ARMC2: variants seen among roughly 807,000 people sequenced by gnomAD.
ARMC2 encodes armadillo repeat-containing protein 2.
In ARMC2, 67 loss-of-function variants were observed where a neutral mutation model predicts 90.3. The ratio of observed to expected loss-of-function variants is 0.74; its 90% CI spans 0.61 to 0.91. The LOEUF (loss-of-function observed/expected upper bound fraction) is 0.91. ARMC2 is among the 40% of genes least tolerant of loss of function. ARMC2 has a pLI of 0.00. For missense variants in ARMC2, 920 were observed against 1,030.9 expected (o/e 0.89, Z 1.47); for synonymous variants, 393 against 393.0 (o/e 1.00, Z 0.00).
At chr6:108,867,883 G>C (rs1032523630) in intron 3 of ARMC2, among the ~76,000 whole-genome samples, 1 of 150,764 alleles carries the variant, frequency 6.6e-6, no homozygotes, top group Admixed American at 6.6e-5. Context: ...GCAGTGAGCC[G>C]AGATCGCACC....
the ARMC2 span, chr6:108,988,659 T>C: frequency 3.7e-6 from 6 of 1,610,374 alleles, no homozygotes; most frequent in Non-Finnish European, 5.1e-6. Flanking sequence ...AATAGCTGGT[T>C]AATTTCACCA....
chr6:108,988,050 TC>T, the ARMC2 span, among the ~76,000 whole-genome samples: 2 of 152,176 alleles, frequency 1.3e-5, no homozygotes, highest in Admixed American at 6.5e-5. Context: ...TGCCTTGGCC[TC>T]CCCAAGTGCT....
At chr6:108,956,280 T>C (rs1356033560) in intron 13 of ARMC2, among the ~76,000 whole-genome samples, 1 of 152,118 alleles carries the variant, frequency 6.6e-6, no homozygotes. Flanking sequence ...TATTCACATA[T>C]AAAGTGAAAA....
chr6:108,919,517 A>AT (rs11414793), intron 10 of ARMC2, among the ~76,000 whole-genome samples: 27,226 of 151,526 alleles, frequency 0.18, 2,524 homozygotes, highest in Middle Eastern at 0.22. Flanking sequence ...CTTACAGATA[A>AT]TTTTTTTTTG....
the ARMC2 span, among the ~76,000 whole-genome samples, chr6:109,015,414 A>G: frequency 0.092 from 13,975 of 152,264 alleles, 867 homozygotes; most frequent in Middle Eastern, 0.19. Context: ...CAAGTCAGAC[A>G]CTGCCTGTGT....
At chr6:108,987,073 T>G in the ARMC2 span, 1 of 153,278 alleles carries the variant, frequency 6.5e-6, no homozygotes, top group African/African-American at 2.4e-5. Context: ...ATAGTAGCAA[T>G]GTTCACTTTT....
chr6:108,902,135 G>C (rs1011211980), intron 7 of ARMC2, among the ~76,000 whole-genome samples: 7 of 152,158 alleles, frequency 4.6e-5, no homozygotes, highest in Admixed American at 1.3e-4. Flanking sequence ...GGGGATAGAA[G>C]TTACTCTGAG....
intron 4 of ARMC2, among the ~76,000 whole-genome samples, chr6:108,871,322 A>G (rs1047215969): frequency 2.6e-5 from 4 of 152,092 alleles, no homozygotes; most frequent in African/African-American, 7.2e-5. Flanking sequence ...AGGTTTTTTC[A>G]CCAACAGCAG....
the ARMC2 span, among the ~76,000 whole-genome samples, chr6:108,981,859 G>T: frequency 6.6e-6 from 1 of 152,054 alleles, no homozygotes; most frequent in African/African-American, 2.4e-5. Flanking sequence ...TAGAGATGGG[G>T]TTTCACCATG....
At chr6:108,922,754 G>C (rs1774709482) in intron 10 of ARMC2, among the ~76,000 whole-genome samples, 1 of 152,134 alleles carries the variant, frequency 6.6e-6, no homozygotes, top group Admixed American at 6.5e-5. Flanking sequence ...CCTGACTGAG[G>C]GTGGTACCTG....
chr6:108,905,001 A>G (rs1196524767), intron 8 of ARMC2, among the ~76,000 whole-genome samples: 1 of 152,242 alleles, frequency 6.6e-6, no homozygotes, highest in East Asian at 1.9e-4. Flanking sequence ...CTCTGTCTCA[A>G]ACAAAATGAT....
the ARMC2 span, chr6:108,993,011 A>C: frequency 1.5e-6 from 1 of 654,344 alleles, no homozygotes; most frequent in Non-Finnish European, 2.7e-6. Context: ...AGTGACCAAT[A>C]TCAACCAAAG....
the ARMC2 span, among the ~76,000 whole-genome samples, chr6:109,045,407 T>C: frequency 5.5e-4 from 84 of 152,326 alleles, no homozygotes; most frequent in Non-Finnish European, 1.1e-3. Context: ...TATAATCCTT[T>C]ATAGGTTCCC....
the ARMC2 span, among the ~76,000 whole-genome samples, chr6:109,028,339 T>C: frequency 1.3e-5 from 2 of 152,194 alleles, no homozygotes; most frequent in Non-Finnish European, 2.9e-5. Context: ...TTAAACATTC[T>C]ACAGTACAGA....
the ARMC2 span, among the ~76,000 whole-genome samples, chr6:109,027,781 T>G: frequency 6.6e-6 from 1 of 152,282 alleles, no homozygotes; most frequent in East Asian, 1.9e-4. Flanking sequence ...TGTAGCAATA[T>G]CTCATTGTGA....
Position 108,936,978 on chromosome 6 carries a change from T to C in ARMC2, c.1575T>C (p.Ile525=). The part of the protein sequence containing the change: ...SRCYALFLNL[I]NKYQKKQDLV... The stretch of plus-strand genomic sequence containing the variant: ...GTTATGCCTTATTTCTGAATCTAAT[T>C]AACAAATACCAGAAGAAGCAGGTCA... The change falls in exon 12 of 18, where the codon ATT becomes ATC. Residue 525 remains isoleucine (I), a synonymous_variant. Coordinates refer to ENST00000392644, the MANE Select transcript of ARMC2 (RefSeq NM_032131.6). 4 of 1,597,652 alleles carry C rather than the reference T, an allele frequency of 2.5e-6. No individual in the cohort carries two copies. Among genetic ancestry groups the C allele is most frequent in the Non-Finnish European group, 3.4e-6 (4 of 1,171,222 alleles).
chr6:108,964,446 A>AG (rs1366779273), intron 16 of ARMC2, 134 bp downstream of exon 16: 13 of 1,077,496 alleles, frequency 1.2e-5, no homozygotes, highest in African/African-American at 1.6e-5. Context: ...CTGAGGCTAA[A>AG]GAGGGGGTTT....
chr6:108,944,737 C>T (rs1776683598), intron 12 of ARMC2, among the ~76,000 whole-genome samples: 1 of 152,124 alleles, frequency 6.6e-6, no homozygotes, highest in Admixed American at 6.5e-5. Context: ...GCTTTACACC[C>T]CCTCTGTTTG....
intron 17 of ARMC2, among the ~76,000 whole-genome samples, chr6:108,972,729 T>C (rs1203415201): frequency 2.0e-5 from 3 of 152,184 alleles, no homozygotes; most frequent in Non-Finnish European, 4.4e-5. Context: ...GGTGGCATGA[T>C]CGTGCCCCAC....
Sources: allele counts gnomAD v4.1 joint callset (sites outside exome capture counted in the v4.1 genomes callset), GRCh38; gene constraint gnomAD v4.1.1; transcripts MANE v1.5; gene names NCBI Gene and HGNC (gene_info 2026-07-23, HGNC 2026-07-21).